The following ARHGEF10 variants were observed in gnomAD, a reference collection of about 807,000 sequenced individuals.
ARHGEF10 encodes the protein Rho guanine nucleotide exchange factor (GEF) 10.
ARHGEF10 carries 140 observed loss-of-function variants against 147.4 expected under a neutral mutation model. The ratio of observed to expected loss-of-function variants is 0.95; its 90% CI spans 0.83 to 1.09. The LOEUF is 1.09. Among genes scored for constraint, ARHGEF10 ranks in the 50% least tolerant of loss-of-function variants. The pLI, the probability that ARHGEF10 is intolerant of heterozygous loss-of-function variation, is 0.00. For synonymous variants in ARHGEF10, 902 were observed against 695.8 expected, an observed-to-expected ratio of 1.30 and a Z score of -4.67; for missense variants, 2,222 against 1,752.7, an observed-to-expected ratio of 1.27 and a Z score of -4.78.
In ARHGEF10 at chr8:1,957,747, A is replaced by C. The variant is rs1423229925; in HGVS notation, c.*484A>C. 6.1e-6 allele frequency: 1 copy of C among 162,716 alleles called. No individual in the cohort carries two copies. Among genetic ancestry groups the C allele is most frequent in the East Asian group, 1.8e-4 (1 of 5,516 alleles). The allele number at this position is 162,716 out of a possible 1,614,324, so 10.1% of individuals were successfully genotyped here. On this transcript the variant is annotated 3_prime_UTR_variant, in exon 29 of 29. Coordinates refer to ENST00000349830, the MANE Select transcript of ARHGEF10 (RefSeq NM_014629.4). ...TATATTCTATATTTTTGAATTTCAG[A>C]GTAAAATTTGTTAACAATTTTAAAA...
Position 1,948,007 on chromosome 8 carries a change from G to A in ARHGEF10, c.3397+2352G>A, listed in dbSNP as rs931934745. Among the ~76,000 whole-genome samples, 5 of 152,034 alleles carry A rather than the reference G, an allele frequency of 3.3e-5. No homozygotes were observed. The highest frequency in any genetic ancestry group is 4.2e-4 in the South Asian group (2 of 4,794). The stretch of plus-strand genomic sequence containing the variant: ...TCAGGTCGCAGGTTCTGGCTAAATC[G>A]CAGCTGCCTGTGTTGCGTGTTTTGG... On this transcript the variant is annotated intron_variant, in intron 27 of 28. Transcript: ENST00000349830. The surrounding 1 kb of genome is among the most constrained non-coding windows in gnomAD (Gnocchi z 4.9).
intron 9 of ARHGEF10, among the ~76,000 whole-genome samples, chr8:1,882,048 G>C (rs1585377791): frequency 6.6e-6 from 1 of 152,292 alleles, no homozygotes; most frequent in East Asian, 1.9e-4. Flanking sequence ...CCCAGGCCAG[G>C]GGGACATGGC....
chr8:1,845,176 C>G (rs1450491899), intron 2 of ARHGEF10, among the ~76,000 whole-genome samples: 1 of 152,148 alleles, frequency 6.6e-6, no homozygotes, highest in Non-Finnish European at 1.5e-5. Flanking sequence ...AGAGCAAAAT[C>G]TTTTACTGCT....
At chr8:1,886,738 C>A (rs970697891) in intron 11 of ARHGEF10, among the ~76,000 whole-genome samples, 2 of 152,178 alleles carry the variant, frequency 1.3e-5, no homozygotes, top group African/African-American at 4.8e-5. Context: ...CTTGCAAATC[C>A]CGTTGCCATC....
chr8:1,887,745 T>G (rs1416136398), intron 11 of ARHGEF10, among the ~76,000 whole-genome samples: 3 of 138,564 alleles, frequency 2.2e-5, no homozygotes, highest in Non-Finnish European at 3.1e-5. Flanking sequence ...GATGAGGGTT[T>G]TGAGGAGACA....
At chr8:1,956,545 G>C (rs2129297662) in intron 28 of ARHGEF10, among the ~76,000 whole-genome samples, 1 of 152,256 alleles carries the variant, frequency 6.6e-6, no homozygotes. Context: ...CATTTTTAAA[G>C]CCTTTTTCAC....
intron 2 of ARHGEF10, among the ~76,000 whole-genome samples, chr8:1,856,414 C>T (rs902526566): frequency 1.3e-5 from 2 of 152,192 alleles, no homozygotes; most frequent in African/African-American, 4.8e-5. Flanking sequence ...GCCTGGGCCC[C>T]TCTGTGTATT....
At chr8:1,924,067 C>T (rs989708200) in intron 21 of ARHGEF10, among the ~76,000 whole-genome samples, 193 bp downstream of exon 21, 2 of 152,126 alleles carry the variant, frequency 1.3e-5, no homozygotes, top group South Asian at 2.1e-4. Context: ...ATAGAGGGAT[C>T]GCATATTAAA....
intron 18 of ARHGEF10, among the ~76,000 whole-genome samples, chr8:1,911,485 G>T (rs1257250595): frequency 6.6e-6 from 1 of 152,176 alleles, no homozygotes; most frequent in Admixed American, 6.5e-5. Flanking sequence ...TGCTAATTCT[G>T]TATGTGTCTG....
chr8:1,872,006 A>G (rs80169546), intron 7 of ARHGEF10, among the ~76,000 whole-genome samples: 9,709 of 152,132 alleles, frequency 0.064, 987 homozygotes, highest in African/African-American at 0.21. Flanking sequence ...AAATAGTACA[A>G]AAATAGACAA....
chr8:1,928,428 T>A lies in ARHGEF10; in HGVS notation c.2699T>A (p.Ile900Asn). Residue 900 changes from isoleucine to asparagine, a missense_variant and splice_region_variant, in exon 24 of 29, where the codon ATC becomes AAC. Transcript: ENST00000349830. ...SFSTAHGFLW[I>N]GSCTHQMGQI... The stretch of plus-strand genomic sequence containing the variant: ...TTTCCTCCTAATTCTCTGATTCAGA[T>A]CGGAAGTTGCACCCATCAAATGGGT... 6.2e-7 allele frequency: 1 copy of A among 1,613,454 alleles called. No homozygotes were observed.
intron 2 of ARHGEF10, among the ~76,000 whole-genome samples, chr8:1,856,169 C>G (rs1426604096): frequency 6.6e-6 from 1 of 152,178 alleles, no homozygotes; most frequent in Non-Finnish European, 1.5e-5. Flanking sequence ...AGTTCACCAT[C>G]CAGAAGGACA....
chr8:1,923,960 G>T, intron 21 of ARHGEF10, 86 bp downstream of exon 21: 2 of 1,290,970 alleles, frequency 1.5e-6, no homozygotes, highest in East Asian at 2.4e-5. Context: ...GGTTGAGAAG[G>T]AAACTCAGCA....
intron 13 of ARHGEF10, among the ~76,000 whole-genome samples, chr8:1,895,875 C>A (rs561323102): frequency 6.6e-6 from 1 of 151,940 alleles, no homozygotes; most frequent in Admixed American, 6.6e-5. Context: ...TTGTATGTTA[C>A]GCCAGAGAAG....
intron 2 of ARHGEF10, among the ~76,000 whole-genome samples, chr8:1,846,221 C>T (rs1476081786): frequency 6.6e-6 from 1 of 152,282 alleles, no homozygotes; most frequent in Non-Finnish European, 1.5e-5. Context: ...CCTGCCCTTG[C>T]TGACAGGCCA....
At chr8:1,877,373 G>A (rs886177998) in intron 8 of ARHGEF10, among the ~76,000 whole-genome samples, 1 of 151,996 alleles carries the variant, frequency 6.6e-6, no homozygotes, top group Non-Finnish European at 1.5e-5. Flanking sequence ...GATTACAGGT[G>A]CCTGCCATGA....
intron 1 of ARHGEF10, among the ~76,000 whole-genome samples, chr8:1,830,387 C>G (rs1304041543): frequency 1.3e-5 from 2 of 152,256 alleles, no homozygotes; most frequent in Non-Finnish European, 2.9e-5. Context: ...CACCTGCGAG[C>G]ACCTTCTTGG....
At chr8:1,845,022 C>T (rs1804446090) in intron 2 of ARHGEF10, among the ~76,000 whole-genome samples, 1 of 152,022 alleles carries the variant, frequency 6.6e-6, no homozygotes, top group Admixed American at 6.6e-5. Flanking sequence ...GCCTGTAGTC[C>T]CAGCTACTCA....
At chr8:1,871,488 A>C (rs1206813551) in intron 7 of ARHGEF10, among the ~76,000 whole-genome samples, 1 of 152,228 alleles carries the variant, frequency 6.6e-6, no homozygotes, top group Non-Finnish European at 1.5e-5. Context: ...TATGGGATAG[A>C]TTTTAAAGTC....
Sources: gnomAD v4.1 joint callset for allele counts (sites outside exome capture counted in the v4.1 genomes callset) on GRCh38, gnomAD v4.1.1 for gene constraint, Gnocchi (gnomAD v3.1) non-coding constraint, MANE v1.5 for transcripts, NCBI Gene and HGNC (gene_info 2026-07-23, HGNC 2026-07-21) for gene names.